Variants in ARID1B observed in about 807,000 individuals in gnomAD.
ARID1B encodes the protein AT-rich interaction domain 1B.
In ARID1B, 30 loss-of-function variants were observed where a neutral mutation model predicts 212.3. The ratio of observed to expected loss-of-function variants is 0.14; its 90% CI spans 0.11 to 0.19. The LOEUF (loss-of-function observed/expected upper bound fraction) is 0.19, where lower values mean the gene tolerates loss of function less well. ARID1B is among the 10% of genes least tolerant of loss of function. The pLI, the probability that ARID1B is intolerant of heterozygous loss-of-function variation, is 1.00. For missense variants in ARID1B, 2,891 were observed against 3,204.0 expected (o/e 0.90, Z 2.36); for synonymous variants, 1,402 against 1,301.7 (o/e 1.08, Z -1.66).
intron 4 of ARID1B, among the ~76,000 whole-genome samples, chr6:156,982,416 T>G (rs1777659479): frequency 6.6e-6 from 1 of 151,142 alleles, no homozygotes; most frequent in South Asian, 2.1e-4. Flanking sequence ...GCTGTGTGTC[T>G]CTATGGGTCT....
chr6:156,814,127 A>G (rs1474277225), intron 1 of ARID1B, among the ~76,000 whole-genome samples: 1 of 152,212 alleles, frequency 6.6e-6, no homozygotes, highest in Non-Finnish European at 1.5e-5. Flanking sequence ...AATGTAAAAT[A>G]TTAATACATC....
intron 4 of ARID1B, among the ~76,000 whole-genome samples, chr6:156,994,513 C>G (rs190794127): frequency 1.4e-4 from 21 of 152,146 alleles, no homozygotes; most frequent in African/African-American, 4.8e-4. Flanking sequence ...AAAAAAAATA[C>G]CTTTATAAAA....
At chr6:156,954,384 A>G (rs554145580) in intron 4 of ARID1B, among the ~76,000 whole-genome samples, 11 of 152,286 alleles carry the variant, frequency 7.2e-5, no homozygotes, top group South Asian at 6.2e-4. Context: ...CTTTCGAAGC[A>G]ATATGCTCTG....
intron 3 of ARID1B, among the ~76,000 whole-genome samples, chr6:156,905,250 G>GCGCGCGCACACACA (rs1554265935): frequency 0.013 from 1,866 of 143,824 alleles, 46 homozygotes; most frequent in African/African-American, 0.046. Context: ...ACATATGCAC[G>GCGCGCGCACACACA]CACACACACA....
intron 2 of ARID1B, chr6:156,871,688 G>A: frequency 1.2e-6 from 2 of 1,605,150 alleles, no homozygotes; most frequent in Non-Finnish European, 1.7e-6. Context: ...CTTGCTCCAA[G>A]TCTTTGGGAC....
At chr6:157,184,609 A>G in intron 13 of ARID1B, 174 bp downstream of exon 13, 2 of 723,390 alleles carry the variant, frequency 2.8e-6, no homozygotes, top group Admixed American at 2.9e-5. Context: ...GTGTTAAGGG[A>G]TGAGAGAATT....
intron 1 of ARID1B, among the ~76,000 whole-genome samples, chr6:156,797,379 T>TA (rs1278288430): frequency 6.6e-6 from 1 of 152,224 alleles, no homozygotes; most frequent in Admixed American, 6.5e-5. Flanking sequence ...GAATATGCAG[T>TA]AAAATCAGTT....
Position 157,039,691 on chromosome 6 carries a change from TTCC to T in ARID1B, c.2248-44969_2248-44967del, listed in dbSNP as rs1395342027. 8.3e-4 allele frequency among the ~76,000 whole-genome samples: 75 copies of T among 90,540 alleles called. No individual in the cohort carries two copies. In the South Asian group the frequency reaches 0.022, roughly 27 times the overall value. 59.4% of individuals were successfully genotyped at this position (90,540 alleles called of 152,430 possible). On this transcript the variant is annotated intron_variant, in intron 4 of 19. Coordinates refer to ENST00000636930, the MANE Select transcript of ARID1B (RefSeq NM_001374828.1). ...CTTCCTTCCTTCCTTCCTTCCTTCC[TTCC>T]TTCTTTCTTTCCTTTCTTTCCTTCC...
intron 1 of ARID1B, among the ~76,000 whole-genome samples, chr6:156,812,413 G>A (rs1182862785): frequency 6.6e-6 from 1 of 152,002 alleles, no homozygotes; most frequent in Non-Finnish European, 1.5e-5. Context: ...GAAAGAAGTG[G>A]TTACTCTCCC....
At chr6:157,117,860 C>G (rs200066904) in intron 6 of ARID1B, among the ~76,000 whole-genome samples, 5 of 152,192 alleles carry the variant, frequency 3.3e-5, no homozygotes, top group South Asian at 4.1e-4. Context: ...GCTGCTCCCC[C>G]CTGCCTCTGT....
At chr6:156,784,072 A>C (rs572553428) in intron 1 of ARID1B, among the ~76,000 whole-genome samples, 35 of 152,190 alleles carry the variant, frequency 2.3e-4, no homozygotes, top group African/African-American at 7.0e-4. Flanking sequence ...GATGTTATAA[A>C]ATTTTTATGA....
rs1562542228 is a variant in ARID1B at position 157,004,897 on chromosome 6, C to CTTTTTTGTTTTTTTTTTTTTTTTT, written c.2247+69327_2247+69328insGTTTTTTTTTTTTTTTTTTTTTTT. Among the ~76,000 whole-genome samples, 5 of 54,722 alleles carry CTTTTTTGTTTTTTTTTTTTTTTTT rather than the reference C, an allele frequency of 9.1e-5. 1 individual carries two copies. The highest frequency in any genetic ancestry group is 0.022 in the Middle Eastern group (2 of 90). 35.9% of individuals were successfully genotyped at this position (54,722 alleles called of 152,430 possible). A position where few individuals can be genotyped will look rare whatever the true frequency, so the allele number is the denominator to read the frequency against. On this transcript the variant is annotated intron_variant, in intron 4 of 19. Transcript: ENST00000636930. The stretch of plus-strand genomic sequence containing the variant: ...TTTTTTCTTTTTCTTCTTCTTTTTT[C>CTTTTTTGTTTTTTTTTTTTTTTTT]TTTTTTTTTTTTTTTTTTTTTTTTT...
At chr6:156,829,528 A>G in intron 2 of ARID1B, 107 bp downstream of exon 2, 1 of 1,177,346 alleles carries the variant, frequency 8.5e-7, no homozygotes. Flanking sequence ...CATTGCACGG[A>G]TTTTCTGCTT....
chr6:156,948,555 C>T (rs1793340257), intron 4 of ARID1B, among the ~76,000 whole-genome samples: 3 of 152,202 alleles, frequency 2.0e-5, no homozygotes. Context: ...ATAGTTGCTG[C>T]ATTTATGCCT....
At chr6:157,025,956 G>C (rs931348666) in intron 4 of ARID1B, among the ~76,000 whole-genome samples, 3 of 150,044 alleles carry the variant, frequency 2.0e-5, no homozygotes, top group East Asian at 3.9e-4. Context: ...GTGGAGTCTC[G>C]CCCTGTTGCC....
At chr6:156,985,973 C>T (rs1777892678) in intron 4 of ARID1B, among the ~76,000 whole-genome samples, 1 of 152,134 alleles carries the variant, frequency 6.6e-6, no homozygotes, top group Admixed American at 6.5e-5. Context: ...CCTGTTGCAC[C>T]GAGTAATTTT....
At chr6:157,027,483 A>G (rs1248356396) in intron 4 of ARID1B, among the ~76,000 whole-genome samples, 2 of 152,218 alleles carry the variant, frequency 1.3e-5, no homozygotes, top group East Asian at 3.8e-4. Flanking sequence ...AAGTTTTGTC[A>G]TCTGTTAGTT....
At chr6:157,009,054 A>G (rs1359633078) in intron 4 of ARID1B, among the ~76,000 whole-genome samples, 3 of 152,246 alleles carry the variant, frequency 2.0e-5, no homozygotes, top group Non-Finnish European at 1.5e-5. Flanking sequence ...TGTAAATACC[A>G]GTCATTCCTC....
chr6:157,022,625 C>T (rs1268278661), intron 4 of ARID1B: 1 of 152,202 alleles, frequency 6.6e-6, no homozygotes, highest in Non-Finnish European at 1.5e-5. Context: ...CCAAGACATG[C>T]ATTTAATCCA....
Sources: allele counts gnomAD v4.1 joint callset (sites outside exome capture counted in the v4.1 genomes callset), GRCh38; gene constraint gnomAD v4.1.1; transcripts MANE v1.5; gene names NCBI Gene and HGNC (gene_info 2026-07-23, HGNC 2026-07-21).